Variants in ZNF107 observed in about 807,000 individuals in gnomAD.
ZNF107 encodes C2H2 type zinc-finger protein.
ZNF107 carries 19 observed loss-of-function variants against 12.3 expected under a neutral mutation model. The observed-to-expected ratio is 1.55, with a 90% CI of 1.08 to 2.27. The LOEUF (loss-of-function observed/expected upper bound fraction) is 2.27. Among genes scored for constraint, ZNF107 ranks in the 30% most tolerant of loss-of-function variants. The pLI, the probability that ZNF107 is intolerant of heterozygous loss-of-function variation, is 0.00. For synonymous variants in ZNF107, 317 were observed against 330.5 expected (o/e 0.96, Z 0.44); for missense variants, 958 against 979.9 (o/e 0.98, Z 0.30).
chr7:64,709,982 G>T lies in ZNF107; in HGVS notation c.*1326G>T, dbSNP rs1205341315. ...TCTATTAAAAATTTTACAAAAATTA[G>T]CTGCGTGTGGTGGCAGGCCCCTGTA... On this transcript the variant is annotated 3_prime_UTR_variant, in exon 4 of 4. Transcript: ENST00000620827. 7 of 256,186 alleles carry T rather than the reference G, an allele frequency of 2.7e-5. No homozygotes were observed. Among genetic ancestry groups the T allele is most frequent in the Admixed American group, 5.7e-5 (1 of 17,572 alleles). 15.9% of individuals were successfully genotyped at this position (256,186 alleles called of 1,614,324 possible).
chr7:64,709,151 T>C lies in ZNF107; in HGVS notation c.*495T>C, dbSNP rs953004987. 2.8e-5 allele frequency: 13 copies of C among 460,006 alleles called. No homozygotes were observed. Among genetic ancestry groups the C allele is most frequent in the Non-Finnish European group, 5.7e-5 (13 of 228,170 alleles). The allele number at this position is 460,006 out of a possible 1,614,324, so 28.5% of individuals were successfully genotyped here. On this transcript the variant is annotated 3_prime_UTR_variant, in exon 4 of 4. Coordinates refer to ENST00000620827, the MANE Select transcript of ZNF107 (RefSeq NM_001282359.2). Reference sequence around the variant, plus strand: ...CAATTGTGAAGAATGTGGCAAAGCTTTTAACCTTCCTTAACCCTTAACTGT... The same window carrying C: ...CAATTGTGAAGAATGTGGCAAAGCTCTTAACCTTCCTTAACCCTTAACTGT...
At chr7:64,702,246 T>G (rs1790500241) in intron 3 of ZNF107, among the ~76,000 whole-genome samples, 1 of 151,774 alleles carries the variant, frequency 6.6e-6, no homozygotes, top group African/African-American at 2.4e-5. Context: ...CCCCACTAGG[T>G]TCAAGTGATT....
In ZNF107 at chr7:64,706,562, T is replaced by TC. The variant is rs1218389383; in HGVS notation, c.465_466insC (p.Lys156GlnfsTer7). 6.2e-7 allele frequency: 1 copy of TC among 1,607,186 alleles called. No individual in the cohort carries two copies. The highest frequency in any genetic ancestry group is 1.3e-5 in the African/African-American group (1 of 74,474). On this transcript the variant is annotated frameshift_variant, in exon 4 of 4. Coordinates refer to ENST00000620827, the MANE Select transcript of ZNF107 (RefSeq NM_001282359.2). LOFTEE classifies it low-confidence loss of function (END_TRUNC). ...GTAATAAATATGTGAAAGTCTTTGA[T>TC]AAATTTTCAAATTCAAATAGATATA... is the stretch of plus-strand genomic sequence containing the variant.
chr7:64,678,856 G>A (rs1789532439), intron 1 of ZNF107: 1 of 152,066 alleles, frequency 6.6e-6, no homozygotes, highest in Non-Finnish European at 1.5e-5. Context: ...TAAGGGTGAT[G>A]TGGCCACTCA....
chr7:64,666,236 T>G lies in ZNF107; in HGVS notation c.-47T>G. 1.2e-6 allele frequency: 2 copies of G among 1,604,752 alleles called. No individual in the cohort carries two copies. Among genetic ancestry groups the G allele is most frequent in the Non-Finnish European group, 1.7e-6 (2 of 1,174,624 alleles). ...TCTGTGTCCCTGTGACCTGCAGATATTGGGAGATCCACAGCTAAGACGCCG... is the reference window on the plus strand; with the variant it reads ...TCTGTGTCCCTGTGACCTGCAGATAGTGGGAGATCCACAGCTAAGACGCCG... On this transcript the variant is annotated 5_prime_UTR_variant, in exon 1 of 4. Transcript: ENST00000620827.
rs1356917245 is a variant in ZNF107 at position 64,708,245 on chromosome 7, C to T, written c.2148C>T (p.Cys716=). 27 of 1,612,812 alleles carry T rather than the reference C, an allele frequency of 1.7e-5. No homozygotes were observed. The highest frequency in any genetic ancestry group is 2.1e-5 in the Non-Finnish European group (25 of 1,179,600). ...QCAECGKAFN[C]SSTLNRHKII... ...CAGAATGTGGCAAAGCCTTTAACTG[C>T]TCCTCAACCCTTAATAGACATAAGA... The change falls in exon 4 of 4, where the codon TGC becomes TGT. Residue 716 remains cysteine (C), a synonymous_variant. Transcript: ENST00000620827.
intron 3 of ZNF107, among the ~76,000 whole-genome samples, chr7:64,696,382 G>T (rs988891667): frequency 1.3e-5 from 2 of 152,126 alleles, no homozygotes; most frequent in African/African-American, 2.4e-5. Flanking sequence ...AGGCATGGTA[G>T]TGTGCACCTG....
chr7:64,681,959 C>T (rs148484131), intron 1 of ZNF107, among the ~76,000 whole-genome samples: 105 of 152,124 alleles, frequency 6.9e-4, no homozygotes, highest in African/African-American at 2.5e-3. Flanking sequence ...CTCTTTTTGC[C>T]TTCACCTGGA....
At chr7:64,691,828 T>G in intron 2 of ZNF107, 37 bp from the exon 3 acceptor site, 6 of 1,225,296 alleles carry the variant, frequency 4.9e-6, no homozygotes, top group Non-Finnish European at 4.2e-6. Context: ...AGAATATGAT[T>G]AAGATTCATG....
intron 1 of ZNF107, among the ~76,000 whole-genome samples, chr7:64,673,037 CATTTATTT>C (rs1177466709): frequency 6.6e-6 from 1 of 151,890 alleles, no homozygotes; most frequent in Non-Finnish European, 1.5e-5. Flanking sequence ...TAGTGATGAG[CATTTATTT>C]ATTTATTTAT....
chr7:64,672,430 C>T (rs200982035), intron 1 of ZNF107, among the ~76,000 whole-genome samples: 12 of 152,088 alleles, frequency 7.9e-5, no homozygotes, highest in African/African-American at 2.2e-4. Flanking sequence ...GATCTTGGCT[C>T]ACTGCAGCCT....
intron 1 of ZNF107, among the ~76,000 whole-genome samples, chr7:64,669,546 C>T (rs1226965810): frequency 6.6e-6 from 1 of 152,158 alleles, no homozygotes; most frequent in Non-Finnish European, 1.5e-5. Context: ...GTAATCCCAG[C>T]ACTTTGGGAG....
chr7:64,706,948 C>G lies in ZNF107; in HGVS notation c.851C>G (p.Pro284Arg). ...IHKIIHTGEK[P>R]YKYEECGKVF... ...AAAATAATTCATACTGGAGAAAAAC[C>G]TTACAAATATGAAGAATGTGGCAAA... The change falls in exon 4 of 4, where the codon CCT (proline) becomes CGT (arginine). Residue 284 changes from proline to arginine, a missense_variant. Pro to Arg is a moderately radical substitution (Grantham distance 103, BLOSUM62 -2). Transcript: ENST00000620827. The G allele has an allele frequency of 6.2e-7, 1 of 1,612,982 alleles. No individual in the cohort carries two copies. The highest frequency in any genetic ancestry group is 8.5e-7 in the Non-Finnish European group (1 of 1,179,590).
At chr7:64,678,239 GAGCACAAAGATAGTATTAAATTT>G (rs1008024327) in intron 1 of ZNF107, among the ~76,000 whole-genome samples, 1 of 152,144 alleles carries the variant, frequency 6.6e-6, no homozygotes, top group African/African-American at 2.4e-5. Flanking sequence ...CACAAAAGTT[GAGCACAAAGATAGTATTAAATTT>G]AGCAGTACTG....
intron 1 of ZNF107, among the ~76,000 whole-genome samples, chr7:64,675,180 G>A (rs10252808): frequency 0.087 from 13,302 of 152,096 alleles, 923 homozygotes; most frequent in East Asian, 0.27. Flanking sequence ...AAATGGTACC[G>A]GCTCTTCTTT....
intron 1 of ZNF107, among the ~76,000 whole-genome samples, chr7:64,688,697 G>A (rs1336651949): frequency 6.6e-6 from 1 of 152,108 alleles, no homozygotes; most frequent in Non-Finnish European, 1.5e-5. Context: ...TTTTATCTGA[G>A]AAATGCAAAT....
intron 3 of ZNF107, among the ~76,000 whole-genome samples, chr7:64,696,820 T>A (rs928982482): frequency 5.9e-5 from 9 of 151,934 alleles, no homozygotes; most frequent in South Asian, 2.1e-4. Context: ...TATTTATTTA[T>A]TTTTTATTTT....
chr7:64,674,192 A>G (rs968336574), intron 1 of ZNF107, among the ~76,000 whole-genome samples: 1 of 151,494 alleles, frequency 6.6e-6, no homozygotes, highest in African/African-American at 2.4e-5. Context: ...AGATCTGTAC[A>G]TTTCTTTGGG....
chr7:64,685,048 T>C (rs1249917831), intron 1 of ZNF107, among the ~76,000 whole-genome samples: 1 of 152,182 alleles, frequency 6.6e-6, no homozygotes, highest in African/African-American at 2.4e-5. Context: ...AAGCCCCTTC[T>C]AACTCCTACA....
Sources: gnomAD v4.1 joint callset for allele counts (sites outside exome capture counted in the v4.1 genomes callset) on GRCh38, gnomAD v4.1.1 for gene constraint, MANE v1.5 for transcripts, NCBI Gene and HGNC (gene_info 2026-07-23, HGNC 2026-07-21) for gene names.